CDH9: variants seen among roughly 807,000 people sequenced by gnomAD.
CDH9 encodes the protein cadherin 9.
A neutral mutation model predicts 70.9 loss-of-function variants in CDH9; 28 were observed. The ratio of observed to expected loss-of-function variants is 0.40; its 90% CI spans 0.29 to 0.54. The LOEUF is 0.54. Among genes scored for constraint, CDH9 ranks in the 20% least tolerant of loss-of-function variants. CDH9 has a pLI of 0.59. For synonymous variants in CDH9, 409 were observed against 343.1 expected, an observed-to-expected ratio of 1.19 and a Z score of -2.12; for missense variants, 874 against 984.4, an observed-to-expected ratio of 0.89 and a Z score of 1.50.
At chr5:27,034,499 C>T (rs1579525526) in intron 1 of CDH9, among the ~76,000 whole-genome samples, 1 of 151,732 alleles carries the variant, frequency 6.6e-6, no homozygotes, top group South Asian at 2.1e-4. Flanking sequence ...CTTTGAATGT[C>T]ATTTTAAGAA....
At chr5:26,927,733 T>A (rs1393493175) in intron 2 of CDH9, among the ~76,000 whole-genome samples, 1 of 152,080 alleles carries the variant, frequency 6.6e-6, no homozygotes, top group Non-Finnish European at 1.5e-5. Flanking sequence ...ACAAACTAGA[T>A]ATGGACTCTG....
At chr5:26,963,873 T>G (rs186067288) in intron 2 of CDH9, among the ~76,000 whole-genome samples, 24 of 152,170 alleles carry the variant, frequency 1.6e-4, no homozygotes, top group African/African-American at 5.5e-4. Context: ...TAGAAAGAAA[T>G]AACACTGATA....
At chr5:26,966,193 C>A (rs1742126350) in intron 2 of CDH9, among the ~76,000 whole-genome samples, 1 of 152,148 alleles carries the variant, frequency 6.6e-6, no homozygotes, top group Admixed American at 6.5e-5. Context: ...GGGCCGGTCT[C>A]CGTGTCTAAA....
At chr5:26,938,042 A>T (rs969282060) in intron 2 of CDH9, among the ~76,000 whole-genome samples, 3 of 152,122 alleles carry the variant, frequency 2.0e-5, no homozygotes, top group African/African-American at 7.2e-5. Flanking sequence ...TGATAATGAA[A>T]GGTATTTATA....
chr5:27,027,181 T>C (rs1394169813), intron 1 of CDH9, among the ~76,000 whole-genome samples: 1 of 152,074 alleles, frequency 6.6e-6, no homozygotes, highest in East Asian at 1.9e-4. Flanking sequence ...TGTAGAGTGT[T>C]CTATCTATGA....
chr5:26,971,966 A>G (rs962484916), intron 2 of CDH9, among the ~76,000 whole-genome samples: 2 of 152,190 alleles, frequency 1.3e-5, no homozygotes, highest in Non-Finnish European at 2.9e-5. Context: ...AAACTGGGAA[A>G]GTGAAGTGAT....
intron 7 of CDH9, among the ~76,000 whole-genome samples, chr5:26,895,046 A>T (rs1423787772): frequency 6.6e-6 from 1 of 152,108 alleles, no homozygotes; most frequent in Non-Finnish European, 1.5e-5. Flanking sequence ...ATCTAAACTC[A>T]ATTATAGACA....
At position 26,988,311 on chromosome 5, in the gene CDH9, G is replaced by T. The variant is rs1742522013; in HGVS notation, c.23C>A (p.Pro8Gln). 6.2e-7 allele frequency: 1 copy of T among 1,612,672 alleles called. No homozygotes were observed. The change falls in exon 2 of 12, where the codon CCA becomes CAA. Residue 8 changes from proline (P) to glutamine (Q), a missense_variant. By Grantham distance (76) the Pro-to-Gln change is moderately conservative (BLOSUM62 -1). Transcript: ENST00000231021. ...GAACATATAGGTCCAGATGAATAAT[G>T]GTATATAATGGTAAGTCCTCATTAT... MRTYHYI[P>Q]LFIWTYMFHT... is the part of the protein sequence containing the mutation.
At chr5:26,907,071 G>A (rs957736190) in intron 3 of CDH9, among the ~76,000 whole-genome samples, 1 of 151,958 alleles carries the variant, frequency 6.6e-6, no homozygotes, top group African/African-American at 2.4e-5. Context: ...TATATTATCA[G>A]TAAGGTGAAT....
At chr5:26,949,750 C>G (rs937762692) in intron 2 of CDH9, among the ~76,000 whole-genome samples, 1 of 152,156 alleles carries the variant, frequency 6.6e-6, no homozygotes, top group Non-Finnish European at 1.5e-5. Flanking sequence ...AAAAGTCTTG[C>G]TTGTTAACAC....
At chr5:26,954,560 A>G (rs912535662) in intron 2 of CDH9, among the ~76,000 whole-genome samples, 5 of 150,524 alleles carry the variant, frequency 3.3e-5, no homozygotes, top group African/African-American at 1.2e-4. Flanking sequence ...AATTTTTTGT[A>G]TTTTCAGTAG....
chr5:26,989,499 C>T (rs958884848), intron 1 of CDH9, among the ~76,000 whole-genome samples: 1 of 143,024 alleles, frequency 7.0e-6, no homozygotes, highest in Non-Finnish European at 1.5e-5. Context: ...TATTCTCTCT[C>T]TCTTCTCTGT....
chr5:26,958,055 A>G (rs1388656028), intron 2 of CDH9, among the ~76,000 whole-genome samples: 1 of 152,190 alleles, frequency 6.6e-6, no homozygotes, highest in African/African-American at 2.4e-5. Context: ...CAAATGGGTG[A>G]GACTTACTAA....
chr5:26,932,517 A>T (rs10064851), intron 2 of CDH9, among the ~76,000 whole-genome samples: 14,564 of 152,130 alleles, frequency 0.096, 877 homozygotes, highest in East Asian at 0.17. Flanking sequence ...ATTGTTGTTT[A>T]CCCAAATGAC....
intron 2 of CDH9, among the ~76,000 whole-genome samples, chr5:26,952,000 TGACAGAG>T (rs1561015078): frequency 2.0e-5 from 3 of 150,278 alleles, no homozygotes; most frequent in Non-Finnish European, 3.0e-5. Context: ...TTTTATTTTA[TGACAGAG>T]TATTGCTCTG....
chr5:26,917,187 CT>C (rs531466109), intron 2 of CDH9, among the ~76,000 whole-genome samples: 69 of 151,798 alleles, frequency 4.5e-4, no homozygotes, highest in Non-Finnish European at 9.1e-4. Flanking sequence ...TTGATATATG[CT>C]TACATTATAA....
intron 2 of CDH9, among the ~76,000 whole-genome samples, chr5:26,954,709 GA>G (rs944023555): frequency 9.3e-5 from 14 of 150,824 alleles, no homozygotes; most frequent in Admixed American, 6.6e-4. Flanking sequence ...TTTTATTCTT[GA>G]AAAAAAACAA....
rs56193729 is a variant in CDH9, at chr5:26,911,674, GAA to G, written c.523+3954_523+3955del. On this transcript the variant is annotated intron_variant, in intron 3 of 11. Transcript: ENST00000231021. ...TTTATCAATAGTGTAATGATCACAA[GAA>G]AAAAAAAAGTAGAAATAGAAATGGA... is the stretch of plus-strand genomic sequence containing the variant. Among the ~76,000 whole-genome samples the G allele has an allele frequency of 3.5e-3, 537 of 151,452 alleles. 4 individuals carry two copies. Among genetic ancestry groups the G allele is most frequent in the African/African-American group, 0.012 (507 of 41,218 alleles).
chr5:26,905,913 G>A lies in CDH9; in HGVS notation c.811+46C>T, dbSNP rs1416249754. On this transcript the variant is annotated intron_variant, in intron 5 of 11. Transcript: ENST00000231021. The stretch of plus-strand genomic sequence containing the variant: ...GTGAATATTAAACTCGGCTACTAGT[G>A]TATTTGAGAAGTTTTTGGACATGAG... 2.8e-6 allele frequency: 4 copies of A among 1,433,826 alleles called. No homozygotes were observed. In the East Asian group the frequency reaches 9.1e-5, roughly 33 times the overall value. The allele number at this position is 1,433,826 out of a possible 1,614,324, so 88.8% of individuals were successfully genotyped here.
Sources: allele counts gnomAD v4.1 joint callset (sites outside exome capture counted in the v4.1 genomes callset), GRCh38; gene constraint gnomAD v4.1.1; transcripts MANE v1.5; gene names NCBI Gene and HGNC (gene_info 2026-07-23, HGNC 2026-07-21).